ROBO1: variants seen among roughly 807,000 people sequenced by gnomAD.
The protein encoded by ROBO1 is roundabout homolog 1.
Under a neutral mutation model 195.9 loss-of-function variants are expected in ROBO1, and 149 were observed. The observed-to-expected ratio is 0.76, with a 90% CI of 0.67 to 0.87. The LOEUF is 0.87. Ranked by LOEUF, ROBO1 falls within the 40% of genes least tolerant of loss-of-function variation. ROBO1 has a pLI of 0.00. For missense variants in ROBO1, 1,933 were observed against 2,068.3 expected (o/e 0.93, Z 1.27); for synonymous variants, 816 against 733.2 (o/e 1.11, Z -1.82).
At chr3:79,599,447 G>C (rs1290066032) in intron 1 of ROBO1, among the ~76,000 whole-genome samples, 1 of 151,966 alleles carries the variant, frequency 6.6e-6, no homozygotes, top group African/African-American at 2.4e-5. Flanking sequence ...TCAACTGCTG[G>C]CTAGACTATG....
chr3:79,395,538 C>T (rs1038662058), intron 2 of ROBO1, among the ~76,000 whole-genome samples: 6 of 151,790 alleles, frequency 4.0e-5, no homozygotes, highest in African/African-American at 1.2e-4. Context: ...ATAACATTTA[C>T]TATGGTCATT....
intron 1 of ROBO1, among the ~76,000 whole-genome samples, chr3:79,753,893 T>C (rs1358564093): frequency 6.6e-6 from 1 of 152,198 alleles, no homozygotes; most frequent in African/African-American, 2.4e-5. Flanking sequence ...GACTGTTGAT[T>C]TGGCAACTTT....
chr3:79,023,506 A>G (rs1409778390), intron 3 of ROBO1, among the ~76,000 whole-genome samples: 1 of 152,046 alleles, frequency 6.6e-6, no homozygotes, highest in African/African-American at 2.4e-5. Context: ...GGTAGCTTCA[A>G]ATGTACATAA....
chr3:79,103,495 T>G (rs1031376742), intron 3 of ROBO1, among the ~76,000 whole-genome samples: 2 of 151,796 alleles, frequency 1.3e-5, no homozygotes, highest in Non-Finnish European at 1.5e-5. Flanking sequence ...CAAATGGATG[T>G]TTTTTGTTGA....
intron 3 of ROBO1, among the ~76,000 whole-genome samples, chr3:79,084,156 G>A (rs912442767): frequency 6.6e-6 from 1 of 152,074 alleles, no homozygotes; most frequent in South Asian, 2.1e-4. Context: ...GTTTTTTTCT[G>A]TGTGTGGCAA....
At chr3:79,304,545 C>T (rs2033133393) in intron 2 of ROBO1, among the ~76,000 whole-genome samples, 1 of 152,184 alleles carries the variant, frequency 6.6e-6, no homozygotes, top group African/African-American at 2.4e-5. Flanking sequence ...CCCCAAGCAA[C>T]CACCAGTCTA....
intron 14 of ROBO1, among the ~76,000 whole-genome samples, chr3:78,667,480 C>CT (rs1707801071): frequency 6.6e-6 from 1 of 151,990 alleles, no homozygotes; most frequent in Non-Finnish European, 1.5e-5. Flanking sequence ...CACCTTGTTG[C>CT]TATCTAATAC....
rs191901657 is a variant in ROBO1 at position 79,303,819 on chromosome 3, C to T, written c.89-178280G>A. On this transcript the variant is annotated intron_variant, in intron 2 of 30. Coordinates refer to ENST00000464233, the MANE Select transcript of ROBO1 (RefSeq NM_002941.4). Reference sequence around the variant, plus strand: ...AGCCTCTGAGAACCACCATTCTCAACTTCTTTAGATTCCACATATTAGTGA... The same window carrying T: ...AGCCTCTGAGAACCACCATTCTCAATTTCTTTAGATTCCACATATTAGTGA... Among the ~76,000 whole-genome samples the T allele has an allele frequency of 7.9e-5, 12 of 152,106 alleles. No homozygotes were observed. The East Asian group carries it at 2.1e-3, about 27-fold the overall frequency.
intron 14 of ROBO1, among the ~76,000 whole-genome samples, chr3:78,662,410 C>T (rs1370726392): frequency 6.6e-6 from 1 of 152,160 alleles, no homozygotes; most frequent in Non-Finnish European, 1.5e-5. Context: ...CTCCTCCTAT[C>T]ATGTAACGAT....
chr3:79,031,861 A>G (rs1041437910), intron 3 of ROBO1, among the ~76,000 whole-genome samples: 14 of 152,210 alleles, frequency 9.2e-5, no homozygotes, highest in African/African-American at 2.9e-4. Flanking sequence ...TCAGAAAACC[A>G]TAAACACAAT....
At chr3:78,918,348 C>T (rs2038749651) in intron 4 of ROBO1, among the ~76,000 whole-genome samples, 1 of 151,988 alleles carries the variant, frequency 6.6e-6, no homozygotes, top group African/African-American at 2.4e-5. Context: ...ATAAAACACC[C>T]AGAGTGCTCA....
chr3:78,699,492 C>A (rs2081373046), intron 8 of ROBO1, among the ~76,000 whole-genome samples: 1 of 150,814 alleles, frequency 6.6e-6, no homozygotes, highest in South Asian at 2.1e-4. Flanking sequence ...TTGCTTGAAC[C>A]CGGGAGGTGG....
chr3:78,849,121 C>T (rs2106837592), intron 4 of ROBO1, among the ~76,000 whole-genome samples: 1 of 152,210 alleles, frequency 6.6e-6, no homozygotes, highest in South Asian at 2.1e-4. Context: ...CTGGGGAATT[C>T]CGTGAGTGGA....
At chr3:79,510,184 C>T (rs2107537405) in intron 2 of ROBO1, among the ~76,000 whole-genome samples, 1 of 152,266 alleles carries the variant, frequency 6.6e-6, no homozygotes, top group East Asian at 1.9e-4. Flanking sequence ...CCATAATCCC[C>T]ACGTCATGGG....
intron 3 of ROBO1, among the ~76,000 whole-genome samples, chr3:79,048,477 T>C (rs2078636110): frequency 6.6e-6 from 1 of 152,140 alleles, no homozygotes; most frequent in Admixed American, 6.6e-5. Flanking sequence ...TAATTCTGTC[T>C]TGGCATGTGC....
intron 1 of ROBO1, among the ~76,000 whole-genome samples, chr3:79,713,299 T>C (rs1254946923): frequency 1.3e-5 from 2 of 152,170 alleles, no homozygotes; most frequent in East Asian, 1.9e-4. Flanking sequence ...AGAGATACAC[T>C]TCATAGGGTT....
At chr3:79,262,713 T>G (rs1014986935) in intron 2 of ROBO1, among the ~76,000 whole-genome samples, 1 of 152,116 alleles carries the variant, frequency 6.6e-6, no homozygotes, top group Admixed American at 6.6e-5. Flanking sequence ...ATTTTCATTT[T>G]ACTATAAAAA....
At chr3:78,942,848 C>T (rs893251561) in intron 3 of ROBO1, among the ~76,000 whole-genome samples, 1 of 152,044 alleles carries the variant, frequency 6.6e-6, no homozygotes, top group African/African-American at 2.4e-5. Flanking sequence ...CTGCAGTGTG[C>T]TATGATCACA....
intron 3 of ROBO1, among the ~76,000 whole-genome samples, chr3:79,054,759 C>A (rs754950476): frequency 7.9e-5 from 12 of 152,114 alleles, no homozygotes; most frequent in Non-Finnish European, 1.3e-4. Flanking sequence ...GTACTTGACA[C>A]TCTAAGTATG....
Sources: allele counts gnomAD v4.1 joint callset (sites outside exome capture counted in the v4.1 genomes callset), GRCh38; gene constraint gnomAD v4.1.1; transcripts MANE v1.5; gene names NCBI Gene and HGNC (gene_info 2026-07-23, HGNC 2026-07-21).